The following POC1B variants were observed in gnomAD, a reference collection of about 807,000 sequenced individuals.
POC1B encodes the protein POC1 centriolar protein homolog B.
A neutral mutation model predicts 60.6 loss-of-function variants in POC1B; 44 were observed. The ratio of observed to expected loss-of-function variants is 0.73; its 90% CI spans 0.57 to 0.93. The LOEUF is 0.93. Among genes scored for constraint, POC1B ranks in the 40% least tolerant of loss-of-function variants. The pLI is 0.00. For missense variants in POC1B, 555 were observed against 572.3 expected, an observed-to-expected ratio of 0.97 and a Z score of 0.31; for synonymous variants, 180 against 198.9, an observed-to-expected ratio of 0.90 and a Z score of 0.80.
In POC1B at chr12:89,472,229, T is replaced by A; in HGVS notation, c.499A>T (p.Thr167Ser). ...RLIVSCSEDK[T>S]IKIWDTTNKQ... ...TTTGTGGTATCCCAAATTTTAATAG[T>A]TTTATCCTCACTACATGACACAATT... Residue 167 changes from threonine to serine, a missense_variant, in exon 5 of 12, where the codon ACT becomes TCT. Physicochemically the swap from Thr to Ser is moderately conservative, Grantham distance 58 (BLOSUM62 1). Coordinates refer to ENST00000313546, the MANE Select transcript of POC1B (RefSeq NM_172240.3). 6.2e-7 allele frequency: 1 copy of A among 1,608,294 alleles called. No homozygotes were observed.
At chr12:89,452,161 T>C (rs1171702150) in intron 10 of POC1B, among the ~76,000 whole-genome samples, 7 of 152,182 alleles carry the variant, frequency 4.6e-5, no homozygotes, top group Non-Finnish European at 1.0e-4. Context: ...ATTTTCAGCA[T>C]GCCTCGGTCT....
chr12:89,486,452 T>A (rs867829183), intron 4 of POC1B, among the ~76,000 whole-genome samples: 2 of 152,202 alleles, frequency 1.3e-5, no homozygotes, highest in Middle Eastern at 6.8e-3. Context: ...AAAAGGGTCA[T>A]TCACACTTGA....
chr12:89,471,768 C>A, intron 5 of POC1B, 39 bp from the exon 6 acceptor site: 83 of 819,804 alleles, frequency 1.0e-4, no homozygotes, highest in Non-Finnish European at 1.4e-4. Flanking sequence ...ATTTCAATTT[C>A]TTTTTTTTTT....
chr12:89,418,342 G>T (rs987942850), downstream of POC1B, among the ~76,000 whole-genome samples: 3 of 152,136 alleles, frequency 2.0e-5, no homozygotes, highest in African/African-American at 7.2e-5. Flanking sequence ...AGAAGGAAAG[G>T]GAAGTTTAAA....
chr12:89,459,820 T>A, intron 9 of POC1B, 102 bp from the exon 10 acceptor site: 1 of 610,012 alleles, frequency 1.6e-6, no homozygotes, highest in Non-Finnish European at 2.6e-6. Context: ...ATTCTAAAAT[T>A]AAAATATATT....
intron 2 of POC1B, chr12:89,521,786 CA>C (rs1300104581): frequency 2.6e-6 from 1 of 383,660 alleles, no homozygotes; most frequent in Non-Finnish European, 4.6e-6. Context: ...TCACAATTGC[CA>C]AGGCAGTCTT....
chr12:89,412,612 A>G, the POC1B span, among the ~76,000 whole-genome samples: 93 of 151,714 alleles, frequency 6.1e-4, no homozygotes, highest in Admixed American at 7.2e-4. Context: ...GGGAGGTGGA[A>G]GTTGCAGTGA....
At position 89,513,275 on chromosome 12, in the gene POC1B, T is replaced by C. The variant is rs1870276851; in HGVS notation, c.100+11845A>G. Among the ~76,000 whole-genome samples, 5 of 151,484 alleles carry C rather than the reference T, an allele frequency of 3.3e-5. No individual in the cohort carries two copies. In the South Asian group the frequency reaches 1.0e-3, roughly 32 times the overall value. ...GAAAAAAAAAAAAAAAAAGAATTCT[T>C]GGCAAACTTTTATTATGATTTCACT... On this transcript the variant is annotated intron_variant, in intron 2 of 11. Coordinates refer to ENST00000313546, the MANE Select transcript of POC1B (RefSeq NM_172240.3).
chr12:89,525,776 C>T (rs1871423058), intron 1 of POC1B, 105 bp downstream of exon 1: 14 of 1,377,986 alleles, frequency 1.0e-5, no homozygotes, highest in Non-Finnish European at 1.3e-5. Context: ...GCTACGGACA[C>T]CTGCCTCCAT....
At chr12:89,416,515 C>T (rs1880367698), downstream of POC1B, among the ~76,000 whole-genome samples, 1 of 152,154 alleles carries the variant, frequency 6.6e-6, no homozygotes, top group South Asian at 2.1e-4. Context: ...GGATTGAGGA[C>T]AGATGGTGGC....
chr12:89,490,910 ATCCAAGCCAGGACCTGGACTGC>A (rs6144799), intron 4 of POC1B, among the ~76,000 whole-genome samples: 81,248 of 151,864 alleles, frequency 0.54, 22,301 homozygotes, highest in African/African-American at 0.65. Flanking sequence ...CACCACCTTG[ATCCAAGCCAGGACCTGGACTGC>A]TCAGCCTCCT....
chr12:89,428,423 A>T (rs1418190899), intron 10 of POC1B: 1 of 152,208 alleles, frequency 6.6e-6, no homozygotes, highest in Non-Finnish European at 1.5e-5. Flanking sequence ...ATTTGTATTT[A>T]TGTATTTGCT....
At chr12:89,406,443 G>C in the POC1B span, among the ~76,000 whole-genome samples, 1 of 151,832 alleles carries the variant, frequency 6.6e-6, no homozygotes, top group African/African-American at 2.4e-5. Flanking sequence ...TTAACTTAAG[G>C]CTCTATGGTT....
At chr12:89,495,506 C>A (rs1869200250) in intron 3 of POC1B, among the ~76,000 whole-genome samples, 1 of 152,146 alleles carries the variant, frequency 6.6e-6, no homozygotes, top group Non-Finnish European at 1.5e-5. Flanking sequence ...ATGGGAATGC[C>A]CATGAGCTTT....
chr12:89,518,984 T>G (rs1296904905), intron 2 of POC1B, among the ~76,000 whole-genome samples: 1 of 152,074 alleles, frequency 6.6e-6, no homozygotes, highest in African/African-American at 2.4e-5. Flanking sequence ...GTATAGGGAT[T>G]TAGGAATCAC....
chr12:89,447,580 T>C (rs1405512556), intron 10 of POC1B, among the ~76,000 whole-genome samples: 2 of 152,132 alleles, frequency 1.3e-5, no homozygotes, highest in Non-Finnish European at 2.9e-5. Flanking sequence ...TCCAGTTCTA[T>C]TTAAAATAAG....
At position 89,430,897 on chromosome 12, in the gene POC1B, T is replaced by C. The variant is rs751447826; in HGVS notation, c.1114-5518A>G. Among the ~76,000 whole-genome samples the C allele has an allele frequency of 8.2e-4, 124 of 152,142 alleles. 3 individuals carry two copies. The highest frequency in any genetic ancestry group is 1.5e-4 in the Non-Finnish European group (10 of 68,024). On this transcript the variant is annotated intron_variant, in intron 10 of 11. Coordinates refer to ENST00000313546, the MANE Select transcript of POC1B (RefSeq NM_172240.3). ...AAAAAATTAAATATTAGCAATTTGA[T>C]AGTATTTGAAGAGAAATATTACCCC...
In POC1B at chr12:89,472,166, A is replaced by G; in HGVS notation, c.560+2T>C. ...ATAAATGCACAAAGAAAGTGTACTT[A>G]CCCAACGGAATCTGAGAAGTTATTA... is the stretch of plus-strand genomic sequence containing the variant. On this transcript the variant is annotated splice_donor_variant, in intron 5 of 11. Transcript: ENST00000313546. LOFTEE classifies it high-confidence loss of function. 3.2e-6 allele frequency: 5 copies of G among 1,556,890 alleles called. No individual in the cohort carries two copies. Among genetic ancestry groups the G allele is most frequent in the Non-Finnish European group, 4.4e-6 (5 of 1,131,234 alleles).
the POC1B span, among the ~76,000 whole-genome samples, chr12:89,413,466 G>T: frequency 6.6e-6 from 1 of 152,056 alleles, no homozygotes; most frequent in East Asian, 1.9e-4. Flanking sequence ...CAAAATGCTG[G>T]GATAATAGAT....
Sources: allele counts gnomAD v4.1 joint callset (sites outside exome capture counted in the v4.1 genomes callset), GRCh38; gene constraint gnomAD v4.1.1; transcripts MANE v1.5; gene names NCBI Gene and HGNC (gene_info 2026-07-23, HGNC 2026-07-21).